ADAMTS12: variants seen among roughly 807,000 people sequenced by gnomAD.
ADAMTS12 encodes the protein A disintegrin and metalloproteinase with thrombospondin motifs 12.
A neutral mutation model predicts 167.8 loss-of-function variants in ADAMTS12; 118 were observed. The observed-to-expected ratio is 0.70, with a 90% CI of 0.61 to 0.82. ADAMTS12 has a LOEUF of 0.82. ADAMTS12 is among the 40% of genes least tolerant of loss of function. The pLI, the probability that ADAMTS12 is intolerant of heterozygous loss-of-function variation, is 0.00. For synonymous variants in ADAMTS12, 704 were observed against 716.9 expected, an observed-to-expected ratio of 0.98 and a Z score of 0.29; for missense variants, 1,916 against 1,998.8, an observed-to-expected ratio of 0.96 and a Z score of 0.79.
At chr5:33,763,660 G>A (rs952158575) in intron 2 of ADAMTS12, among the ~76,000 whole-genome samples, 3 of 152,340 alleles carry the variant, frequency 2.0e-5, no homozygotes, top group South Asian at 2.1e-4. Flanking sequence ...GGCATTGGCC[G>A]TGACCCACAG....
At chr5:33,585,522 C>T (rs551843156) in intron 18 of ADAMTS12, among the ~76,000 whole-genome samples, 1 of 152,262 alleles carries the variant, frequency 6.6e-6, no homozygotes, top group South Asian at 2.1e-4. Flanking sequence ...CACATTTGAA[C>T]CCAGGAAGCC....
At chr5:33,740,314 T>C (rs1744519547) in intron 3 of ADAMTS12, among the ~76,000 whole-genome samples, 1 of 152,194 alleles carries the variant, frequency 6.6e-6, no homozygotes, top group South Asian at 2.1e-4. Context: ...GTGTATCAGA[T>C]TCACCTCAAT....
chr5:33,803,372 A>G (rs1421591199), intron 2 of ADAMTS12, among the ~76,000 whole-genome samples: 1 of 152,224 alleles, frequency 6.6e-6, no homozygotes, highest in Non-Finnish European at 1.5e-5. Context: ...CACGCTATAC[A>G]CAACCTAAAG....
chr5:33,826,869 A>G (rs530695082), intron 2 of ADAMTS12, among the ~76,000 whole-genome samples: 2 of 152,298 alleles, frequency 1.3e-5, no homozygotes, highest in South Asian at 4.1e-4. Context: ...GATGGTAGTG[A>G]GACCTCAGCT....
chr5:33,851,544 G>T (rs1749220573), intron 2 of ADAMTS12, among the ~76,000 whole-genome samples: 1 of 152,150 alleles, frequency 6.6e-6, no homozygotes, highest in African/African-American at 2.4e-5. Flanking sequence ...CCAGAGGAGG[G>T]ATGTAAAGCA....
intron 20 of ADAMTS12, among the ~76,000 whole-genome samples, chr5:33,559,543 G>A (rs1486165630): frequency 6.6e-6 from 1 of 152,196 alleles, no homozygotes; most frequent in Non-Finnish European, 1.5e-5. Context: ...AGCAAAATGA[G>A]TAATCACAGT....
At chr5:33,719,774 C>T (rs1228040079) in intron 3 of ADAMTS12, among the ~76,000 whole-genome samples, 1 of 152,198 alleles carries the variant, frequency 6.6e-6, no homozygotes, top group Non-Finnish European at 1.5e-5. Context: ...AAAACAGCAA[C>T]CTTATTAGTT....
At position 33,527,065 on chromosome 5, in the gene ADAMTS12, T is replaced by A; in HGVS notation, c.*123A>T. 1 of 1,312,578 alleles carries A rather than the reference T, an allele frequency of 7.6e-7. No homozygotes were observed. The highest frequency in any genetic ancestry group is 1.1e-6 in the Non-Finnish European group (1 of 947,578). 81.3% of individuals were successfully genotyped at this position (1,312,578 alleles called of 1,614,324 possible). On this transcript the variant is annotated 3_prime_UTR_variant, in exon 24 of 24. Coordinates refer to ENST00000504830, the MANE Select transcript of ADAMTS12 (RefSeq NM_030955.4). ...GAGGAACACAATGGATTTTGTTTCA[T>A]CATGACCCAAAGCTGAATCTGAAAT...
At chr5:33,602,646 G>A (rs943358789) in intron 16 of ADAMTS12, among the ~76,000 whole-genome samples, 5 of 152,116 alleles carry the variant, frequency 3.3e-5, no homozygotes, top group Non-Finnish European at 7.3e-5. Context: ...CTAAATATCA[G>A]TATATGGTCA....
At chr5:33,783,225 CAT>C (rs1746205081) in intron 2 of ADAMTS12, among the ~76,000 whole-genome samples, 1 of 151,708 alleles carries the variant, frequency 6.6e-6, no homozygotes, top group South Asian at 2.1e-4. Flanking sequence ...GGAAACAAAA[CAT>C]GTGAATTTAT....
intron 3 of ADAMTS12, among the ~76,000 whole-genome samples, chr5:33,703,729 C>G (rs1360629844): frequency 6.6e-6 from 1 of 152,114 alleles, no homozygotes. Context: ...GCAGTGCTAT[C>G]CTTTCCTCAG....
chr5:33,736,512 A>G (rs1246485092), intron 3 of ADAMTS12, among the ~76,000 whole-genome samples: 1 of 152,174 alleles, frequency 6.6e-6, no homozygotes. Flanking sequence ...TGGGCTTCCA[A>G]TTCTGAAGGC....
At chr5:33,575,882 T>C (rs1347035106) in intron 19 of ADAMTS12, among the ~76,000 whole-genome samples, 172 bp downstream of exon 19, 2 of 152,178 alleles carry the variant, frequency 1.3e-5, no homozygotes, top group East Asian at 1.9e-4. Context: ...TTTTTTTCCA[T>C]TTAAAGAGTT....
Position 33,559,297 on chromosome 5 carries a change from C to T in ADAMTS12, c.4125+1730G>A, listed in dbSNP as rs543201953. 8.9e-4 allele frequency among the ~76,000 whole-genome samples: 135 copies of T among 152,270 alleles called. 4 individuals are homozygous for T. In the South Asian group the frequency reaches 0.027, roughly 31 times the overall value. On this transcript the variant is annotated intron_variant, in intron 20 of 23. Coordinates refer to ENST00000504830, the MANE Select transcript of ADAMTS12 (RefSeq NM_030955.4). ...GCCTACCAGGCTTCCTAGGGTTGAT[C>T]ATGTATGGCAAACAGGTATATGCAC...
intron 17 of ADAMTS12, among the ~76,000 whole-genome samples, chr5:33,590,047 C>T (rs1342118478): frequency 2.0e-5 from 3 of 152,074 alleles, no homozygotes; most frequent in Admixed American, 2.0e-4. Flanking sequence ...AATATTGGAA[C>T]AGTATGATGT....
At position 33,662,121 on chromosome 5, in the gene ADAMTS12, G is replaced by A. The variant is rs1741281692; in HGVS notation, c.916-81C>T. The A allele has an allele frequency of 3.2e-6, 5 of 1,552,190 alleles. No individual in the cohort carries two copies. The Admixed American group carries it at 6.9e-5, about 21-fold the overall frequency. Reference sequence around the variant, plus strand: ...ATTGCATTAGGCATTCATCTCCAGAGGTGTCCAAGTGAGATGAATTCAGGG... The same window carrying A: ...ATTGCATTAGGCATTCATCTCCAGAAGTGTCCAAGTGAGATGAATTCAGGG... On this transcript the variant is annotated intron_variant, in intron 5 of 23. Transcript: ENST00000504830.
intron 20 of ADAMTS12, among the ~76,000 whole-genome samples, chr5:33,555,253 AT>A (rs202101925): frequency 9.9e-5 from 15 of 151,312 alleles, no homozygotes; most frequent in Non-Finnish European, 1.5e-4. Context: ...CTCCCATATG[AT>A]TTTTTTTTAA....
intron 3 of ADAMTS12, among the ~76,000 whole-genome samples, chr5:33,702,135 C>T (rs566595207): frequency 3.0e-4 from 46 of 152,278 alleles, no homozygotes; most frequent in Non-Finnish European, 5.3e-4. Context: ...AGAACCTTAA[C>T]GAGTGCAAAG....
At chr5:33,696,920 A>C (rs903627763) in intron 3 of ADAMTS12, among the ~76,000 whole-genome samples, 1 of 152,166 alleles carries the variant, frequency 6.6e-6, no homozygotes, top group Non-Finnish European at 1.5e-5. Context: ...TGTTCTCCAC[A>C]GTTCAGCTTG....
Sources: allele counts gnomAD v4.1 joint callset (sites outside exome capture counted in the v4.1 genomes callset), GRCh38; gene constraint gnomAD v4.1.1; transcripts MANE v1.5; gene names NCBI Gene and HGNC (gene_info 2026-07-23, HGNC 2026-07-21).